The following UBA5 variants were observed in gnomAD, a reference collection of about 807,000 sequenced individuals.
The protein encoded by UBA5 is ubiquitin-like modifier-activating enzyme 5.
In UBA5, 28 loss-of-function variants were observed where a neutral mutation model predicts 52.9. That is an observed-to-expected ratio of 0.53 (90% confidence interval 0.39 to 0.73). The LOEUF is 0.73. Ranked by LOEUF, UBA5 falls within the 30% of genes least tolerant of loss-of-function variation. The probability of loss-of-function intolerance (pLI) is 0.00; values close to 1 mark genes in which losing one functional copy is unlikely to be tolerated. For missense variants in UBA5, 388 were observed against 492.7 expected (o/e 0.79, Z 2.01); for synonymous variants, 135 against 162.1 (o/e 0.83, Z 1.27).
intron 1 of UBA5, among the ~76,000 whole-genome samples, chr3:132,655,161 A>G (rs1414009673): frequency 1.3e-5 from 2 of 152,196 alleles, no homozygotes; most frequent in African/African-American, 2.4e-5. Context: ...TACTTACACT[A>G]TGACCACTTC....
At chr3:132,655,655 T>C (rs1576629496), upstream of UBA5, among the ~76,000 whole-genome samples, 1 of 152,226 alleles carries the variant, frequency 6.6e-6, no homozygotes, top group Admixed American at 6.5e-5. Context: ...TTTCCTATTC[T>C]CTTTTCCTCC....
upstream of UBA5, among the ~76,000 whole-genome samples, chr3:132,658,813 GCCCTTTCA>G (rs1937959443): frequency 6.6e-6 from 1 of 151,984 alleles, no homozygotes; most frequent in African/African-American, 2.4e-5. Context: ...CAATTTTTAC[GCCCTTTCA>G]CCTATATTAC....
chr3:132,667,163 A>G (rs1938411158), intron 3 of UBA5: 1 of 152,178 alleles, frequency 6.6e-6, no homozygotes, highest in South Asian at 2.1e-4. Flanking sequence ...CATCAGTATC[A>G]GCTCTCAATA....
At chr3:132,662,699 ATG>A (rs1938217759) in intron 1 of UBA5, among the ~76,000 whole-genome samples, 1 of 152,222 alleles carries the variant, frequency 6.6e-6, no homozygotes, top group African/African-American at 2.4e-5. Flanking sequence ...CCGTAAAATT[ATG>A]TGTTATGGAA....
Position 132,676,207 on chromosome 3 carries a change from TGTC to T in UBA5, c.1132-233_1132-231del, listed in dbSNP as rs1239074736. 3.3e-5 allele frequency among the ~76,000 whole-genome samples: 5 copies of T among 152,140 alleles called. No individual in the cohort carries two copies. The highest frequency in any genetic ancestry group is 6.5e-5 in the Admixed American group (1 of 15,272). ...TGTTTATCGGTAGTTTTAGCTACGA[TGTC>T]GTTTAAAAAGCTAGAGCTGTCAAGA... On this transcript the variant is annotated intron_variant, in intron 11 of 11. Coordinates refer to ENST00000356232, the MANE Select transcript of UBA5 (RefSeq NM_024818.6). This position sits in a 1 kb window ranked among gnomAD's most constrained non-coding sequence, Gnocchi z 4.1.
At chr3:132,670,845 A>T in intron 5 of UBA5, 120 bp from the exon 6 acceptor site, 1 of 567,514 alleles carries the variant, frequency 1.8e-6, no homozygotes, top group Non-Finnish European at 3.1e-6. Context: ...CATATTTATT[A>T]TGTAATAATT....
At chr3:132,675,530 T>C in intron 9 of UBA5, 75 bp from the exon 10 acceptor site, 1 of 1,515,448 alleles carries the variant, frequency 6.6e-7, no homozygotes, top group Admixed American at 1.9e-5. Context: ...ATAAAAAGCC[T>C]GTCTGAATTC....
intron 3 of UBA5, chr3:132,667,909 C>G (rs377369913): frequency 6.6e-6 from 1 of 152,100 alleles, no homozygotes. Context: ...GAGACTCTTA[C>G]GTAGGATTAG....
At chr3:132,666,184 A>G (rs1012136905) in intron 3 of UBA5, 111 bp downstream of exon 3, 1 of 802,902 alleles carries the variant, frequency 1.2e-6, no homozygotes. Context: ...CTTGCAGTGT[A>G]TTAATCTAGA....
chr3:132,660,628 G>C lies in UBA5; in HGVS notation c.91G>C (p.Gly31Arg). Reference protein sequence around the residue: ...QERSLQVPRSGDGGGGRVRIE... With the variant: ...QERSLQVPRSRDGGGGRVRIE... ...GAGGAGTCTGCAGGTCCCGAGGAGC[G>C]GCGACGGAGGGGGCGGCCGGGTCCG... Residue 31 changes from glycine to arginine, a missense_variant, in exon 1 of 12, where the codon GGC (glycine) becomes CGC (arginine). Gly to Arg is a moderately radical substitution (Grantham distance 125, BLOSUM62 -2). This residue lies in a region of UBA5 where 95 missense variants were observed against 107.0 expected (regional missense o/e 0.89). Coordinates refer to ENST00000356232, the MANE Select transcript of UBA5 (RefSeq NM_024818.6). This position sits in a 1 kb window ranked among gnomAD's most constrained non-coding sequence, Gnocchi z 4.1. 1 of 1,565,734 alleles carries C rather than the reference G, an allele frequency of 6.4e-7. No individual in the cohort carries two copies. The highest frequency in any genetic ancestry group is 8.7e-7 in the Non-Finnish European group (1 of 1,155,594).
At chr3:132,664,644 A>G (rs553380653) in intron 1 of UBA5, among the ~76,000 whole-genome samples, 7 of 152,222 alleles carry the variant, frequency 4.6e-5, no homozygotes, top group Admixed American at 3.3e-4. Context: ...TTTCTATTAA[A>G]TTCTCAGGTG....
chr3:132,675,885 C>T lies in UBA5; in HGVS notation c.1093C>T (p.Pro365Ser). ...TTTTTCAGGTCCAGTTCCAGACTTA[C>T]CTGAAGGAATTACAGTGGCATACAC... ...KNFSGPVPDL[P>S]EGITVAYTIP... The change falls in exon 11 of 12, where the codon CCT becomes TCT. Residue 365 changes from proline to serine, a missense_variant. By Grantham distance (74) the Pro-to-Ser change is moderately conservative. Coordinates refer to ENST00000356232, the MANE Select transcript of UBA5 (RefSeq NM_024818.6). 1.2e-6 allele frequency: 2 copies of T among 1,611,250 alleles called. No homozygotes were observed. Among genetic ancestry groups the T allele is most frequent in the Non-Finnish European group, 1.7e-6 (2 of 1,178,946 alleles).
At chr3:132,656,692 C>T (rs368417671), upstream of UBA5, among the ~76,000 whole-genome samples, 8 of 152,052 alleles carry the variant, frequency 5.3e-5, no homozygotes, top group East Asian at 9.6e-4. Flanking sequence ...CGGGGTTTCA[C>T]CATGTTGGCC....
At chr3:132,673,453 TC>T (rs1938692587) in intron 8 of UBA5, among the ~76,000 whole-genome samples, 1 of 152,090 alleles carries the variant, frequency 6.6e-6, no homozygotes, top group South Asian at 2.1e-4. Flanking sequence ...GCTCAAGTGA[TC>T]CTCCCACCTC....
Position 132,679,233 on chromosome 3 carries a change from A to G in UBA5, c.*2707A>G, listed in dbSNP as rs1370421492. On this transcript the variant is annotated 3_prime_UTR_variant, in exon 12 of 12. Coordinates refer to ENST00000356232, the MANE Select transcript of UBA5 (RefSeq NM_024818.6). ...CAGTGAGCTGAGATAGTGCCACTGCACTCCAGTCTGGAAAACAGAGTGAGA... is the reference window on the plus strand; with the variant it reads ...CAGTGAGCTGAGATAGTGCCACTGCGCTCCAGTCTGGAAAACAGAGTGAGA... 1.3e-5 allele frequency among the ~76,000 whole-genome samples: 2 copies of G among 151,952 alleles called. No homozygotes were observed. Among genetic ancestry groups the G allele is most frequent in the African/African-American group, 4.8e-5 (2 of 41,378 alleles).
intron 4 of UBA5, among the ~76,000 whole-genome samples, chr3:132,669,962 T>A (rs1938532178): frequency 6.6e-6 from 1 of 152,222 alleles, no homozygotes; most frequent in Non-Finnish European, 1.5e-5. Context: ...TTAAATGCCC[T>A]TTAGCTCTTT....
chr3:132,667,136 A>G (rs1938410045), intron 3 of UBA5: 1 of 152,208 alleles, frequency 6.6e-6, no homozygotes, highest in Admixed American at 6.5e-5. Flanking sequence ...CTCCAAGTCT[A>G]GTCCCTGAAG....
chr3:132,668,106 C>T (rs367627139), intron 3 of UBA5: 31 of 151,362 alleles, frequency 2.0e-4, no homozygotes, highest in African/African-American at 6.3e-4. Context: ...ACAGGAAGTC[C>T]TTGGCTCTAG....
Position 132,676,320 on chromosome 3 carries a change from T to G in UBA5, c.1132-123T>G. On this transcript the variant is annotated intron_variant, in intron 11 of 11. Coordinates refer to ENST00000356232, the MANE Select transcript of UBA5 (RefSeq NM_024818.6). The surrounding 1 kb of genome is among the most constrained non-coding windows in gnomAD (Gnocchi z 4.1). Reference sequence around the variant, plus strand: ...TTTCTTCTAAAAATTAGAAGATAGTTGTTAAAGAAAATTTACTTTATAACC... The same window carrying G: ...TTTCTTCTAAAAATTAGAAGATAGTGGTTAAAGAAAATTTACTTTATAACC... 1 of 707,486 alleles carries G rather than the reference T, an allele frequency of 1.4e-6. No individual in the cohort carries two copies. The highest frequency in any genetic ancestry group is 1.8e-5 in the South Asian group (1 of 55,392). 43.8% of individuals were successfully genotyped at this position (707,486 alleles called of 1,614,324 possible). A position where few individuals can be genotyped will look rare whatever the true frequency, so the allele number is the denominator to read the frequency against.
Sources: allele counts gnomAD v4.1 joint callset (sites outside exome capture counted in the v4.1 genomes callset), GRCh38; gene constraint gnomAD v4.1.1; regional missense constraint gnomAD v4.1.1; non-coding constraint Gnocchi (gnomAD v3.1); transcripts MANE v1.5; gene names NCBI Gene and HGNC (gene_info 2026-07-23, HGNC 2026-07-21).